Variants in PSMF1 observed in about 807,000 individuals in gnomAD.
The protein encoded by PSMF1 is proteasome inhibitor subunit 1, also known as proteasome inhibitor PI31 subunit.
Under a neutral mutation model 29.3 loss-of-function variants are expected in PSMF1, and 30 were observed. That is an observed-to-expected ratio of 1.02 (90% CI 0.77 to 1.39). The LOEUF is 1.39. PSMF1 is among the 40% of genes most tolerant of loss of function. PSMF1 has a pLI of 0.00. For missense variants in PSMF1, 344 were observed against 357.5 expected, an observed-to-expected ratio of 0.96 and a Z score of 0.31; for synonymous variants, 134 against 139.7, an observed-to-expected ratio of 0.96 and a Z score of 0.29.
chr20:1,139,651 A>C (rs1183928881), intron 4 of PSMF1, among the ~76,000 whole-genome samples: 4 of 151,868 alleles, frequency 2.6e-5, no homozygotes, highest in African/African-American at 9.7e-5. Context: ...AGGCTGAGGC[A>C]GGAGAACGGC....
At chr20:1,119,157 C>T (rs2086050525) in intron 1 of PSMF1, among the ~76,000 whole-genome samples, 1 of 152,198 alleles carries the variant, frequency 6.6e-6, no homozygotes, top group African/African-American at 2.4e-5. Flanking sequence ...CACAGCCTGG[C>T]AGCCTCTCAG....
Position 1,164,499 on chromosome 20 carries a change from T to C in PSMF1, c.764+23T>C, listed in dbSNP as rs1374825573. The stretch of plus-strand genomic sequence containing the variant: ...CGGGTACGTAGTCACTCAGGTATGC[T>C]GAGAAGTAGGACCTGATGGCAGCTT... On this transcript the variant is annotated intron_variant, in intron 6 of 6. Coordinates refer to ENST00000335877, the MANE Select transcript of PSMF1 (RefSeq NM_006814.5). This position sits in a 1 kb window ranked among gnomAD's most constrained non-coding sequence, Gnocchi z 4.1. The C allele has an allele frequency of 6.2e-7, 1 of 1,612,646 alleles. No individual in the cohort carries two copies.
At chr20:1,150,948 G>A (rs1384340215) in intron 4 of PSMF1, among the ~76,000 whole-genome samples, 1 of 151,954 alleles carries the variant, frequency 6.6e-6, no homozygotes, top group East Asian at 1.9e-4. Flanking sequence ...TTTTATGTGT[G>A]GTGTGAGATT....
At chr20:1,117,146 C>T (rs1600134196), upstream of PSMF1, among the ~76,000 whole-genome samples, 1 of 151,798 alleles carries the variant, frequency 6.6e-6, no homozygotes. Context: ...AGAGGGGGAG[C>T]CAAGGTTATT....
At chr20:1,144,773 C>T (rs980280769) in intron 4 of PSMF1, among the ~76,000 whole-genome samples, 5 of 152,136 alleles carry the variant, frequency 3.3e-5, no homozygotes, top group African/African-American at 9.7e-5. Flanking sequence ...GTTATGAGGG[C>T]AGGGCTGTAG....
chr20:1,144,558 A>G (rs982278592), intron 4 of PSMF1, among the ~76,000 whole-genome samples: 62 of 152,228 alleles, frequency 4.1e-4, no homozygotes, highest in African/African-American at 1.4e-3. Context: ...TAGTTAAAGG[A>G]ACCGTGGTTT....
Position 1,167,610 on chromosome 20 carries a change from T to TA in PSMF1, c.*2530_*2531insA, listed in dbSNP as rs2086746904. ...TTCTCATAAGTGGAATCACTCAGTATTATGGCCTTTTGTGTCTGGCTTCTT... is the reference window on the plus strand; with the variant it reads ...TTCTCATAAGTGGAATCACTCAGTATATATGGCCTTTTGTGTCTGGCTTCTT... On this transcript the variant is annotated 3_prime_UTR_variant, in exon 7 of 7. Transcript: ENST00000335877. 2 of 152,114 alleles carry TA rather than the reference T, an allele frequency of 1.3e-5. No individual in the cohort carries two copies. Among genetic ancestry groups the TA allele is most frequent in the African/African-American group, 4.8e-5 (2 of 41,410 alleles). 9.4% of individuals were successfully genotyped at this position (152,114 alleles called of 1,614,324 possible).
Position 1,165,241 on chromosome 20 carries a change from G to A in PSMF1, c.*161G>A. ...CCTCCCCACCCCTTATCAGAGCCAAGACACCTGCTGCAGCTCTCCACCTAG... is the reference window on the plus strand; with the variant it reads ...CCTCCCCACCCCTTATCAGAGCCAAAACACCTGCTGCAGCTCTCCACCTAG... On this transcript the variant is annotated 3_prime_UTR_variant, in exon 7 of 7. Coordinates refer to ENST00000335877, the MANE Select transcript of PSMF1 (RefSeq NM_006814.5). The A allele has an allele frequency of 5.6e-6, 8 of 1,437,796 alleles. No individual in the cohort carries two copies. Among genetic ancestry groups the A allele is most frequent in the Non-Finnish European group, 6.4e-6 (7 of 1,097,102 alleles). The allele number at this position is 1,437,796 out of a possible 1,614,324, so 89.1% of individuals were successfully genotyped here.
intron 4 of PSMF1, among the ~76,000 whole-genome samples, chr20:1,155,170 G>A: frequency 6.6e-6 from 1 of 152,232 alleles, no homozygotes; most frequent in East Asian, 1.9e-4. Context: ...AACCCAAAGT[G>A]AGGAAATGAA....
chr20:1,147,179 C>CAAT (rs869221637), intron 4 of PSMF1, among the ~76,000 whole-genome samples: 1 of 126,098 alleles, frequency 7.9e-6, no homozygotes, highest in African/African-American at 3.6e-5. Flanking sequence ...ATCATCATCA[C>CAAT]CACCCTGTGT....
chr20:1,128,945 G>A (rs1449132478), intron 3 of PSMF1, among the ~76,000 whole-genome samples: 5 of 151,716 alleles, frequency 3.3e-5, no homozygotes, highest in Non-Finnish European at 5.9e-5. Flanking sequence ...GCGCGATCTC[G>A]GCTCACTGCA....
chr20:1,150,156 G>A (rs1311851328), intron 4 of PSMF1, among the ~76,000 whole-genome samples: 4 of 151,866 alleles, frequency 2.6e-5, no homozygotes, highest in African/African-American at 9.7e-5. Flanking sequence ...CTCCAGCCTG[G>A]GCAACAGAGC....
At chr20:1,116,972 A>G (rs569753190), upstream of PSMF1, among the ~76,000 whole-genome samples, 35 of 152,320 alleles carry the variant, frequency 2.3e-4, no homozygotes, top group Non-Finnish European at 3.7e-4. Context: ...CACATGAAAC[A>G]GGGAAACTGG....
At position 1,163,698 on chromosome 20, in the gene PSMF1, T is replaced by G. The variant is rs2086695073; in HGVS notation, c.605+515T>G. Among the ~76,000 whole-genome samples the G allele has an allele frequency of 6.6e-6, 1 of 152,246 alleles. No individual in the cohort carries two copies. Among genetic ancestry groups the G allele is most frequent in the Non-Finnish European group, 1.5e-5 (1 of 68,042 alleles). On this transcript the variant is annotated intron_variant, in intron 5 of 6. Coordinates refer to ENST00000335877, the MANE Select transcript of PSMF1 (RefSeq NM_006814.5). This position sits in a 1 kb window ranked among gnomAD's most constrained non-coding sequence, Gnocchi z 6.1. Reference sequence around the variant, plus strand: ...CATTTGTAGACAGTGGGGATATCACTTAAGTCTGCAGTGCAGCTTAAGCAG... The same window carrying G: ...CATTTGTAGACAGTGGGGATATCACGTAAGTCTGCAGTGCAGCTTAAGCAG...
chr20:1,163,067 C>A lies in PSMF1; in HGVS notation c.552-63C>A, dbSNP rs2086686158. 1.1e-5 allele frequency: 17 copies of A among 1,571,608 alleles called. No homozygotes were observed. The South Asian group carries it at 1.9e-4, about 18-fold the overall frequency. ...CCATGCCTGTGAGTGTGTTTGTGAT[C>A]CCACATGTATCAGGTGCCTGGCTGC... On this transcript the variant is annotated intron_variant, in intron 4 of 6. Coordinates refer to ENST00000335877, the MANE Select transcript of PSMF1 (RefSeq NM_006814.5). The surrounding 1 kb of genome is among the most constrained non-coding windows in gnomAD (Gnocchi z 6.1).
chr20:1,165,236 G>C lies in PSMF1; in HGVS notation c.*156G>C. On this transcript the variant is annotated 3_prime_UTR_variant, in exon 7 of 7. Coordinates refer to ENST00000335877, the MANE Select transcript of PSMF1 (RefSeq NM_006814.5). The stretch of plus-strand genomic sequence containing the variant: ...GATAGCCTCCCCACCCCTTATCAGA[G>C]CCAAGACACCTGCTGCAGCTCTCCA... 6.9e-7 allele frequency: 1 copy of C among 1,443,250 alleles called. No individual in the cohort carries two copies. The allele number at this position is 1,443,250 out of a possible 1,614,324, so 89.4% of individuals were successfully genotyped here. A position where few individuals can be genotyped will look rare whatever the true frequency, so the allele number is the denominator to read the frequency against.
chr20:1,165,435 T>G lies in PSMF1; in HGVS notation c.*355T>G. The G allele has an allele frequency of 9.1e-7, 1 of 1,101,082 alleles. No individual in the cohort carries two copies. Among genetic ancestry groups the G allele is most frequent in the South Asian group, 3.6e-5 (1 of 27,574 alleles). 68.2% of individuals were successfully genotyped at this position (1,101,082 alleles called of 1,614,324 possible). A position where few individuals can be genotyped will look rare whatever the true frequency, so the allele number is the denominator to read the frequency against. ...GAACAGAACGCATTTTGGATGTTAT[T>G]ATTAAGAACCAAATGTCAATACAGA... On this transcript the variant is annotated 3_prime_UTR_variant, in exon 7 of 7. Transcript: ENST00000335877.
chr20:1,145,959 A>G (rs775560236), intron 4 of PSMF1, among the ~76,000 whole-genome samples: 1 of 152,126 alleles, frequency 6.6e-6, no homozygotes, highest in Non-Finnish European at 1.5e-5. Flanking sequence ...TTTCAAGCGC[A>G]TATTTTCTTT....
rs1568487649 is a variant in PSMF1 at position 1,168,516 on chromosome 20, C to T, written c.*3436C>T. 6.6e-6 allele frequency: 1 copy of T among 152,284 alleles called. No individual in the cohort carries two copies. Among genetic ancestry groups the T allele is most frequent in the Admixed American group, 6.5e-5 (1 of 15,280 alleles). 9.4% of individuals were successfully genotyped at this position (152,284 alleles called of 1,614,324 possible). ...GCAGTGTTTCTTACTGCATTCATCTCCTCAGTCATAAGTGTCTGTCAACCT... is the reference window on the plus strand; with the variant it reads ...GCAGTGTTTCTTACTGCATTCATCTTCTCAGTCATAAGTGTCTGTCAACCT... On this transcript the variant is annotated 3_prime_UTR_variant, in exon 7 of 7. Transcript: ENST00000335877.
Sources: allele counts gnomAD v4.1 joint callset (sites outside exome capture counted in the v4.1 genomes callset), GRCh38; gene constraint gnomAD v4.1.1; non-coding constraint Gnocchi (gnomAD v3.1); transcripts MANE v1.5; gene names NCBI Gene and HGNC (gene_info 2026-07-23, HGNC 2026-07-21).